The following NAALADL2 variants were observed in gnomAD, a reference collection of about 807,000 sequenced individuals.
The protein encoded by NAALADL2 is N-acetylated alpha-linked acidic dipeptidase like 2, also known as inactive N-acetylated-alpha-linked acidic dipeptidase-like protein 2.
In NAALADL2, 76 loss-of-function variants were observed where a neutral mutation model predicts 87.2. That is an observed-to-expected ratio of 0.87 (90% CI 0.72 to 1.05). NAALADL2 has a LOEUF of 1.05. Among genes scored for constraint, NAALADL2 ranks in the 50% least tolerant of loss-of-function variants. NAALADL2 has a pLI of 0.00. For missense variants in NAALADL2, 1,089 were observed against 945.8 expected, an observed-to-expected ratio of 1.15 and a Z score of -1.99; for synonymous variants, 354 against 331.0, an observed-to-expected ratio of 1.07 and a Z score of -0.75.
intron 1 of NAALADL2, among the ~76,000 whole-genome samples, chr3:174,876,195 A>T (rs1371989675): frequency 6.6e-6 from 1 of 152,180 alleles, no homozygotes; most frequent in African/African-American, 2.4e-5. Context: ...CTTTGTTATT[A>T]TATGTGTAAA....
chr3:175,120,081 A>G (rs950091066), intron 2 of NAALADL2, among the ~76,000 whole-genome samples: 20 of 151,372 alleles, frequency 1.3e-4, no homozygotes, highest in Admixed American at 1.1e-3. Flanking sequence ...ATTTAGATGT[A>G]CCGTCAACAG....
intron 13 of NAALADL2, among the ~76,000 whole-genome samples, chr3:175,800,618 T>G (rs373607972): frequency 6.6e-6 from 1 of 152,286 alleles, no homozygotes. Flanking sequence ...CAAAATCGAC[T>G]GTTCTTCAAT....
Position 174,781,288 on chromosome 3 carries a change from TG to T in NAALADL2, c.-9+43544del, listed in dbSNP as rs528060387. ...TTGCTCTTCTTGAGGAGTATCTTTG[TG>T]GTGTTCTCTGTATTTCCTGAATTCG... On this transcript the variant is annotated intron_variant, in intron 3 of 3. Transcript: ENST00000434257. 3.4e-3 allele frequency among the ~76,000 whole-genome samples: 521 copies of T among 152,056 alleles called. 1 individual carries two copies. The highest frequency in any genetic ancestry group is 0.011 in the African/African-American group (469 of 41,530).
At chr3:174,992,056 A>G (rs577142360) in intron 1 of NAALADL2, among the ~76,000 whole-genome samples, 2 of 152,206 alleles carry the variant, frequency 1.3e-5, no homozygotes. Flanking sequence ...GTGAGCCATT[A>G]GAGCAATTAC....
intron 1 of NAALADL2, among the ~76,000 whole-genome samples, chr3:174,955,419 A>G (rs1314863712): frequency 6.6e-6 from 1 of 152,094 alleles, no homozygotes; most frequent in African/African-American, 2.4e-5. Flanking sequence ...TATTCTCTTC[A>G]AGTTTTTCCT....
intron 1 of NAALADL2, among the ~76,000 whole-genome samples, chr3:175,089,216 G>A (rs77150804): frequency 1.4e-4 from 22 of 152,192 alleles, no homozygotes; most frequent in African/African-American, 4.1e-4. Flanking sequence ...GAGCAGATCC[G>A]GAGATCTGAG....
chr3:174,536,688 G>A (rs1560039341), intron 1 of NAALADL2: 1 of 152,124 alleles, frequency 6.6e-6, no homozygotes, highest in African/African-American at 2.4e-5. Flanking sequence ...CCCTAGGTAA[G>A]CCCTCTATTG....
chr3:174,798,775 T>C (rs1031816145), intron 3 of NAALADL2, among the ~76,000 whole-genome samples: 2 of 152,212 alleles, frequency 1.3e-5, no homozygotes, highest in East Asian at 3.8e-4. Flanking sequence ...TCTTGTATTC[T>C]GCTACCTTGC....
chr3:175,033,714 A>T (rs759243100), intron 1 of NAALADL2, among the ~76,000 whole-genome samples: 1 of 152,020 alleles, frequency 6.6e-6, no homozygotes, highest in Non-Finnish European at 1.5e-5. Context: ...TCTAACCCCT[A>T]AACACTGGAA....
intron 1 of NAALADL2, among the ~76,000 whole-genome samples, chr3:175,065,086 T>A (rs1052844799): frequency 3.9e-5 from 6 of 152,018 alleles, no homozygotes; most frequent in Admixed American, 3.3e-4. Flanking sequence ...GAAGGAATAG[T>A]CACTATGAAG....
chr3:175,802,333 G>GC (rs1754271077), intron 13 of NAALADL2, among the ~76,000 whole-genome samples: 2 of 150,708 alleles, frequency 1.3e-5, no homozygotes, highest in African/African-American at 4.9e-5. Context: ...TTTTTTGGGG[G>GC]GGGACAATTT....
rs578104896 is a variant in NAALADL2, at chr3:175,762,180, G to T, written c.2189+6762G>T. ...AGTTAATTTTCATGAAAAGGATAAGGTCTGTGTTTCGATTTTTTTTTTTTT... is the reference window on the plus strand; with the variant it reads ...AGTTAATTTTCATGAAAAGGATAAGTTCTGTGTTTCGATTTTTTTTTTTTT... On this transcript the variant is annotated intron_variant, in intron 13 of 13. Transcript: ENST00000454872. Among the ~76,000 whole-genome samples the T allele has an allele frequency of 6.0e-5, 6 of 99,226 alleles. No homozygotes were observed. In the East Asian group the frequency reaches 2.6e-3, roughly 43 times the overall value. The allele number at this position is 99,226 out of a possible 152,430, so 65.1% of individuals were successfully genotyped here.
chr3:175,447,095 T>G (rs1203116462), intron 5 of NAALADL2, 134 bp from the exon 6 acceptor site: 1 of 571,480 alleles, frequency 1.7e-6, no homozygotes, highest in African/African-American at 1.9e-5. Context: ...AGGGTATAAC[T>G]AAGGAGTAGA....
chr3:175,701,050 A>G (rs1248172291), intron 11 of NAALADL2, among the ~76,000 whole-genome samples: 2 of 152,162 alleles, frequency 1.3e-5, no homozygotes, highest in African/African-American at 2.4e-5. Context: ...CTACTTATTC[A>G]GAGCTTGCTA....
intron 10 of NAALADL2, among the ~76,000 whole-genome samples, chr3:175,606,971 C>T (rs976755175): frequency 6.6e-6 from 1 of 151,978 alleles, no homozygotes; most frequent in African/African-American, 2.4e-5. Flanking sequence ...TTTGAAATAT[C>T]TTTTATACCA....
At chr3:174,544,553 T>C (rs867089638) in intron 1 of NAALADL2, among the ~76,000 whole-genome samples, 2 of 146,488 alleles carry the variant, frequency 1.4e-5, no homozygotes, top group African/African-American at 5.1e-5. Context: ...CTTTGTTTCC[T>C]TTTTTTTTGT....
intron 2 of NAALADL2, among the ~76,000 whole-genome samples, chr3:174,576,130 C>T (rs1362314186): frequency 2.0e-5 from 3 of 151,752 alleles, no homozygotes; most frequent in African/African-American, 7.3e-5. Context: ...CACAAAGTGC[C>T]GAGATTACAG....
At chr3:174,631,031 A>G (rs1722062693) in intron 2 of NAALADL2, among the ~76,000 whole-genome samples, 1 of 152,182 alleles carries the variant, frequency 6.6e-6, no homozygotes, top group African/African-American at 2.4e-5. Flanking sequence ...TGTGACTAGT[A>G]AAGTCTAGGG....
At chr3:175,336,607 T>G (rs550780118) in intron 5 of NAALADL2, among the ~76,000 whole-genome samples, 4 of 152,312 alleles carry the variant, frequency 2.6e-5, no homozygotes, top group African/African-American at 9.6e-5. Context: ...GTGCACCTGC[T>G]TATGAGTCAG....
Sources: allele counts gnomAD v4.1 joint callset (sites outside exome capture counted in the v4.1 genomes callset), GRCh38; gene constraint gnomAD v4.1.1; transcripts MANE v1.5; gene names NCBI Gene and HGNC (gene_info 2026-07-23, HGNC 2026-07-21).